The following UBXN2A variants were observed in gnomAD, a reference collection of about 807,000 sequenced individuals.
UBXN2A encodes the protein UBX domain-containing protein 2A.
A neutral mutation model predicts 28.4 loss-of-function variants in UBXN2A; 28 were observed. The observed-to-expected ratio is 0.99, with a 90% CI of 0.73 to 1.35. UBXN2A has a LOEUF of 1.35. Among genes scored for constraint, UBXN2A ranks in the 40% most tolerant of loss-of-function variants. The probability of loss-of-function intolerance (pLI) is 0.00; values close to 1 mark genes in which losing one functional copy is unlikely to be tolerated. For synonymous variants in UBXN2A, 97 were observed against 103.6 expected (o/e 0.94, Z 0.39); for missense variants, 253 against 297.9 (o/e 0.85, Z 1.11).
intron 4 of UBXN2A, among the ~76,000 whole-genome samples, chr2:23,982,673 G>C (rs1270885278): frequency 6.6e-6 from 1 of 152,058 alleles, no homozygotes; most frequent in Non-Finnish European, 1.5e-5. Context: ...AATAAAAACT[G>C]ATGCTGTTCA....
intron 1 of UBXN2A, among the ~76,000 whole-genome samples, chr2:23,933,083 C>A (rs1167861793): frequency 6.6e-6 from 1 of 151,638 alleles, no homozygotes; most frequent in Non-Finnish European, 1.5e-5. Context: ...TCAGCCTGGG[C>A]AACAGAGCGA....
chr2:23,981,020 T>C (rs1012293391), intron 4 of UBXN2A, among the ~76,000 whole-genome samples: 9 of 152,164 alleles, frequency 5.9e-5, no homozygotes, highest in African/African-American at 2.2e-4. Flanking sequence ...GATACATGAT[T>C]TGCGAATATT....
intron 2 of UBXN2A, among the ~76,000 whole-genome samples, chr2:23,961,957 G>A (rs988056434): frequency 2.0e-5 from 3 of 151,664 alleles, no homozygotes; most frequent in Non-Finnish European, 4.4e-5. Flanking sequence ...CAATTCTCCT[G>A]CCTCAGCCTC....
chr2:23,999,846 T>C lies in UBXN2A; in HGVS notation c.759T>C (p.Phe253=), dbSNP rs1408405308. The C allele has an allele frequency of 6.2e-7, 1 of 1,612,630 alleles. No homozygotes were observed. Among genetic ancestry groups the C allele is most frequent in the South Asian group, 1.1e-5 (1 of 90,696 alleles). Residue 253 remains phenylalanine, a synonymous_variant, in exon 7 of 7, where the codon TTT becomes TTC. Transcript: ENST00000309033. ...AGAGACTCCAAAAAACTGCATCTTT[T>C]AGAGAACTTTCAGAGCACTGATTTT... The part of the protein sequence containing the change: ...IIQRLQKTAS[F]RELSEH
rs140068689 is a variant in UBXN2A at position 23,967,171 on chromosome 2, C to T, written c.42-4105C>T. Among the ~76,000 whole-genome samples, 88 of 152,226 alleles carry T rather than the reference C, an allele frequency of 5.8e-4. No individual in the cohort carries two copies. In the East Asian group the frequency reaches 0.015, roughly 27 times the overall value. ...CCCTGAACCTCTTATAAACATAGAC[C>T]GTTTCTTACTCGTCTTCATATCTCC... On this transcript the variant is annotated intron_variant, in intron 2 of 6. Coordinates refer to ENST00000309033, the MANE Select transcript of UBXN2A (RefSeq NM_181713.4).
At chr2:23,940,801 C>A (rs967857206) in intron 1 of UBXN2A, among the ~76,000 whole-genome samples, 153 bp downstream of exon 1, 6 of 151,804 alleles carry the variant, frequency 4.0e-5, no homozygotes, top group Non-Finnish European at 8.8e-5. Flanking sequence ...CGCGTGTTTG[C>A]GACTCGGGAA....
At chr2:23,932,422 C>T (rs950570292) in intron 1 of UBXN2A, among the ~76,000 whole-genome samples, 3 of 151,982 alleles carry the variant, frequency 2.0e-5, no homozygotes, top group Non-Finnish European at 4.4e-5. Context: ...CAAAATCCTG[C>T]TACAATAAGG....
At chr2:23,985,679 C>A (rs972616240) in intron 6 of UBXN2A, among the ~76,000 whole-genome samples, 1 of 151,516 alleles carries the variant, frequency 6.6e-6, no homozygotes. Flanking sequence ...CCGTGCCCAG[C>A]TGATAATGGG....
intron 2 of UBXN2A, among the ~76,000 whole-genome samples, chr2:23,971,043 C>G (rs1210303832): frequency 6.6e-6 from 1 of 152,148 alleles, no homozygotes; most frequent in Non-Finnish European, 1.5e-5. Context: ...CAGGACACCT[C>G]ATACAGCAAA....
At chr2:23,976,396 T>C (rs1707665287) in intron 3 of UBXN2A, among the ~76,000 whole-genome samples, 1 of 152,164 alleles carries the variant, frequency 6.6e-6, no homozygotes, top group African/African-American at 2.4e-5. Flanking sequence ...CGCTTCCCCC[T>C]TATATTTTAA....
chr2:23,958,996 GCCT>G (rs1164091413), intron 2 of UBXN2A, among the ~76,000 whole-genome samples: 1 of 151,948 alleles, frequency 6.6e-6, no homozygotes, highest in African/African-American at 2.4e-5. Flanking sequence ...TTACACCACT[GCCT>G]CCAGTTAAAT....
intron 1 of UBXN2A, among the ~76,000 whole-genome samples, chr2:23,942,992 C>T (rs939882908): frequency 6.7e-6 from 1 of 149,584 alleles, no homozygotes; most frequent in Non-Finnish European, 1.5e-5. Context: ...GAGACGGAGT[C>T]TCGCACAGGC....
chr2:23,963,858 G>A (rs1226871424), intron 2 of UBXN2A, among the ~76,000 whole-genome samples: 1 of 152,182 alleles, frequency 6.6e-6, no homozygotes, highest in South Asian at 2.1e-4. Context: ...ACTGGGTGCC[G>A]TGGCTCACAT....
intron 6 of UBXN2A, among the ~76,000 whole-genome samples, chr2:23,986,196 G>C (rs1483395810): frequency 6.6e-6 from 1 of 151,888 alleles, no homozygotes; most frequent in Non-Finnish European, 1.5e-5. Flanking sequence ...TGTAGTCCCA[G>C]CTACTCTGGA....
At chr2:23,983,344 A>G (rs528349875) in intron 5 of UBXN2A, among the ~76,000 whole-genome samples, 1 of 152,132 alleles carries the variant, frequency 6.6e-6, no homozygotes, top group Admixed American at 6.6e-5. Context: ...CGTCTCTACT[A>G]AAAATACAAA....
chr2:23,936,752 C>G (rs375711905), upstream of UBXN2A, among the ~76,000 whole-genome samples: 11 of 152,226 alleles, frequency 7.2e-5, no homozygotes, highest in African/African-American at 2.6e-4. Context: ...GCTCTGTCAC[C>G]CAGGCTGGAG....
At chr2:23,981,188 G>A (rs1707878708) in intron 4 of UBXN2A, among the ~76,000 whole-genome samples, 2 of 151,578 alleles carry the variant, frequency 1.3e-5, no homozygotes, top group Non-Finnish European at 2.9e-5. Context: ...GGCCAGGTAG[G>A]CCAGGTGTAG....
Position 23,982,886 on chromosome 2 carries a change from GT to G in UBXN2A, c.288-6del. Reference sequence around the variant, plus strand: ...GGGAGCTTTATCATTTTCTTTCTTTGTTTTCCAAGGGAATTACCTTCAGAAT... The same window carrying G: ...GGGAGCTTTATCATTTTCTTTCTTTGTTTCCAAGGGAATTACCTTCAGAAT... On this transcript the variant is annotated splice_polypyrimidine_tract_variant and intron_variant, in intron 4 of 6. Coordinates refer to ENST00000309033, the MANE Select transcript of UBXN2A (RefSeq NM_181713.4). 1 of 1,581,486 alleles carries G rather than the reference GT, an allele frequency of 6.3e-7. No homozygotes were observed. Among genetic ancestry groups the G allele is most frequent in the South Asian group, 1.2e-5 (1 of 85,280 alleles).
chr2:23,994,413 G>A (rs1371179011), intron 6 of UBXN2A, among the ~76,000 whole-genome samples: 1 of 152,030 alleles, frequency 6.6e-6, no homozygotes, highest in Non-Finnish European at 1.5e-5. Flanking sequence ...TTTTGTCTTT[G>A]GCATTTGTGG....
Sources: allele counts gnomAD v4.1 joint callset (sites outside exome capture counted in the v4.1 genomes callset), GRCh38; gene constraint gnomAD v4.1.1; transcripts MANE v1.5; gene names NCBI Gene and HGNC (gene_info 2026-07-23, HGNC 2026-07-21).